The following PACC1 variants were observed in gnomAD, a reference collection of about 807,000 sequenced individuals.
PACC1 encodes proton-activated chloride channel.
In PACC1, 34 loss-of-function variants were observed where a neutral mutation model predicts 39.7. The observed-to-expected ratio is 0.86, with a 90% confidence interval of 0.65 to 1.14. The LOEUF is 1.14. Among genes scored for constraint, PACC1 ranks in the 50% most tolerant of loss-of-function variants. The pLI is 0.00. For synonymous variants in PACC1, 127 were observed against 160.6 expected, an observed-to-expected ratio of 0.79 and a Z score of 1.58; for missense variants, 379 against 436.4, an observed-to-expected ratio of 0.87 and a Z score of 1.17.
intron 1 of PACC1, among the ~76,000 whole-genome samples, chr1:212,412,175 G>C (rs1292539817): frequency 6.6e-6 from 1 of 151,954 alleles, no homozygotes; most frequent in Non-Finnish European, 1.5e-5. Context: ...AAAGCAACCA[G>C]TGGGAAAGGG....
chr1:212,394,266 T>G (rs974335581), intron 2 of PACC1, among the ~76,000 whole-genome samples: 6 of 152,234 alleles, frequency 3.9e-5, no homozygotes, highest in African/African-American at 1.2e-4. Context: ...ATCCCTGGGA[T>G]GCAAGGCTGG....
chr1:212,373,914 A>G (rs1368501105), intron 7 of PACC1, among the ~76,000 whole-genome samples: 1 of 152,200 alleles, frequency 6.6e-6, no homozygotes, highest in African/African-American at 2.4e-5. Flanking sequence ...TGGGAATGTA[A>G]TAATTTACAT....
At chr1:212,393,920 G>A (rs1342800319) in intron 2 of PACC1, among the ~76,000 whole-genome samples, 10 of 150,100 alleles carry the variant, frequency 6.7e-5, no homozygotes, top group African/African-American at 2.3e-4. Flanking sequence ...ACCAATAACA[G>A]GCTCTGAAAT....
intron 7 of PACC1, among the ~76,000 whole-genome samples, chr1:212,374,384 G>A (rs568815113): frequency 7.2e-5 from 11 of 152,210 alleles, no homozygotes; most frequent in African/African-American, 2.2e-4. Context: ...TGGAGGTAGC[G>A]AGTAAAATGG....
intron 4 of PACC1, among the ~76,000 whole-genome samples, chr1:212,381,500 C>A (rs1660877233): frequency 6.6e-6 from 1 of 152,054 alleles, no homozygotes; most frequent in Non-Finnish European, 1.5e-5. Flanking sequence ...ATGGCTTTCC[C>A]AACCCAGATT....
chr1:212,411,032 C>A (rs889971002), intron 1 of PACC1, among the ~76,000 whole-genome samples: 1 of 152,208 alleles, frequency 6.6e-6, no homozygotes, highest in African/African-American at 2.4e-5. Flanking sequence ...TAGGGGCCCA[C>A]CCTACTCCTG....
chr1:212,384,187 T>A (rs1661011128), intron 4 of PACC1, among the ~76,000 whole-genome samples: 1 of 152,242 alleles, frequency 6.6e-6, no homozygotes, highest in African/African-American at 2.4e-5. Flanking sequence ...ACTGGTGATA[T>A]CCTTTCTTCA....
chr1:212,409,029 A>C (rs1440800193), intron 2 of PACC1, among the ~76,000 whole-genome samples: 1 of 152,202 alleles, frequency 6.6e-6, no homozygotes, highest in Non-Finnish European at 1.5e-5. Flanking sequence ...ATAGGAGTGC[A>C]AATCCTATTG....
chr1:212,375,383 G>T, intron 6 of PACC1, 83 bp from the exon 7 acceptor site: 1 of 969,332 alleles, frequency 1.0e-6, no homozygotes, highest in Non-Finnish European at 1.7e-6. Flanking sequence ...GAGAGAGTAG[G>T]CAGGGGATCA....
intron 1 of PACC1, chr1:212,413,887 G>A: frequency 3.9e-6 from 6 of 1,530,612 alleles, no homozygotes; most frequent in Non-Finnish European, 5.2e-6. Flanking sequence ...ACAAACTGGA[G>A]GAGGACCGAC....
rs376801236 is a variant in PACC1, at chr1:212,406,011, G to A, written c.133+4414C>T. Among the ~76,000 whole-genome samples, 14 of 147,066 alleles carry A rather than the reference G, an allele frequency of 9.5e-5. No homozygotes were observed. The East Asian group carries it at 1.8e-3, about 19-fold the overall frequency. On this transcript the variant is annotated intron_variant, in intron 2 of 7. Coordinates refer to ENST00000261455, the MANE Select transcript of PACC1 (RefSeq NM_018252.3). ...TTAAAAATTAGCCAGGTATGGTGGCGCATGTCTGTAGTCTCAACTACTCGG... is the reference window on the plus strand; with the variant it reads ...TTAAAAATTAGCCAGGTATGGTGGCACATGTCTGTAGTCTCAACTACTCGG...
At chr1:212,371,220 T>C (rs556828490) in intron 7 of PACC1, among the ~76,000 whole-genome samples, 65 of 129,888 alleles carry the variant, frequency 5.0e-4, no homozygotes, top group Non-Finnish European at 8.4e-4. Context: ...TCCAGCCTTG[T>C]GATAGAGCAA....
intron 7 of PACC1, among the ~76,000 whole-genome samples, chr1:212,367,339 CAG>C (rs1660282402): frequency 6.6e-6 from 1 of 152,164 alleles, no homozygotes; most frequent in Admixed American, 6.5e-5. Context: ...GGCAGTGCAG[CAG>C]AGAGAATCTG....
At chr1:212,387,931 G>A (rs1030320124) in intron 2 of PACC1, among the ~76,000 whole-genome samples, 1 of 151,752 alleles carries the variant, frequency 6.6e-6, no homozygotes, top group African/African-American at 2.4e-5. Flanking sequence ...GCGCATGCCT[G>A]TAATCCCAGC....
At chr1:212,381,770 G>GACACACACACACACACACACACACAC (rs10529310) in intron 4 of PACC1, among the ~76,000 whole-genome samples, 46 of 118,128 alleles carry the variant, frequency 3.9e-4, no homozygotes, top group African/African-American at 9.4e-4. Flanking sequence ...ACAGCACAGT[G>GACACACACACACACACACACACACAC]ACACACACAC....
chr1:212,387,759 A>G (rs889953659), intron 2 of PACC1: 3 of 152,428 alleles, frequency 2.0e-5, no homozygotes, highest in Admixed American at 1.3e-4. Context: ...TTAATTTAGA[A>G]AGACATTTTC....
At position 212,367,745 on chromosome 1, in the gene PACC1, G is replaced by A. The variant is rs190399573; in HGVS notation, c.892-2369C>T. On this transcript the variant is annotated intron_variant, in intron 7 of 7. Coordinates refer to ENST00000261455, the MANE Select transcript of PACC1 (RefSeq NM_018252.3). The stretch of plus-strand genomic sequence containing the variant: ...GGAAGAGTATGAGGGACTTTGCCTT[G>A]GAACCTAGTACCAGCCCTGCCACAG... Among the ~76,000 whole-genome samples, 358 of 152,208 alleles carry A rather than the reference G, an allele frequency of 2.4e-3. 2 individuals are homozygous for A. The highest frequency in any genetic ancestry group is 3.9e-3 in the Non-Finnish European group (265 of 67,996).
intron 6 of PACC1, 79 bp downstream of exon 6, chr1:212,377,482 TC>T (rs1660706900): frequency 6.3e-7 from 1 of 1,582,326 alleles, no homozygotes; most frequent in East Asian, 2.2e-5. Context: ...AAAGGAGCCT[TC>T]TCTGCAAAGC....
At chr1:212,413,784 C>T in intron 1 of PACC1, 2 of 1,176,766 alleles carry the variant, frequency 1.7e-6, no homozygotes, top group Non-Finnish European at 2.3e-6. Flanking sequence ...GAGGTGAAGG[C>T]AGGGCCTCAA....
Sources: gnomAD v4.1 joint callset for allele counts (sites outside exome capture counted in the v4.1 genomes callset) on GRCh38, gnomAD v4.1.1 for gene constraint, MANE v1.5 for transcripts, NCBI Gene and HGNC (gene_info 2026-07-23, HGNC 2026-07-21) for gene names.